Variants in ABLIM2 observed in about 807,000 individuals in gnomAD.
ABLIM2 encodes the protein actin-binding LIM protein 2.
ABLIM2 carries 53 observed loss-of-function variants against 97.7 expected under a neutral mutation model. The observed-to-expected ratio is 0.54, with a 90% CI of 0.44 to 0.68. ABLIM2 has a LOEUF of 0.68. Ranked by LOEUF, ABLIM2 falls within the 30% of genes least tolerant of loss-of-function variation. The pLI is 0.00. For synonymous variants in ABLIM2, 361 were observed against 345.8 expected (o/e 1.04, Z -0.49); for missense variants, 835 against 867.2 (o/e 0.96, Z 0.47).
At chr4:8,052,739 G>T (rs1334950186) in intron 8 of ABLIM2, among the ~76,000 whole-genome samples, 4 of 152,240 alleles carry the variant, frequency 2.6e-5, no homozygotes, top group African/African-American at 7.2e-5. Context: ...GCTCAGACGG[G>T]CCTGCATCGG....
Position 8,097,242 on chromosome 4 carries a change from C to T in ABLIM2, c.195G>A (p.Arg65=), listed in dbSNP as rs780065915. Residue 65 remains arginine, a synonymous_variant, in exon 3 of 21, where the codon CGG becomes CGA. Coordinates refer to ENST00000447017, the MANE Select transcript of ABLIM2 (RefSeq NM_001130083.2). The part of the protein sequence containing the change: ...CDLAEGGFFV[R]QGEYICTLDY... Reference sequence around the variant, plus strand: ...CCAGCGTGCAGATGTACTCGCCCTGCCGCACGAAGAAGCCGCCCTCGGCCA... The same window carrying T: ...CCAGCGTGCAGATGTACTCGCCCTGTCGCACGAAGAAGCCGCCCTCGGCCA... The T allele has an allele frequency of 1.6e-5, 25 of 1,574,598 alleles. No individual in the cohort carries two copies. The highest frequency in any genetic ancestry group is 2.0e-5 in the Non-Finnish European group (23 of 1,161,290).
In ABLIM2 at chr4:8,044,790, G is replaced by A. The variant is rs545562861; in HGVS notation, c.900+374C>T. The stretch of plus-strand genomic sequence containing the variant: ...CGTGCGTGTTGATGTACACAGATCC[G>A]TGCCGTTATTTGCAAACTCTGCAGG... On this transcript the variant is annotated intron_variant, in intron 9 of 20. Coordinates refer to ENST00000447017, the MANE Select transcript of ABLIM2 (RefSeq NM_001130083.2). This position sits in a 1 kb window ranked among gnomAD's most constrained non-coding sequence, Gnocchi z 4.4. 2.6e-5 allele frequency among the ~76,000 whole-genome samples: 4 copies of A among 152,196 alleles called. No homozygotes were observed. Among genetic ancestry groups the A allele is most frequent in the South Asian group, 2.1e-4 (1 of 4,808 alleles).
rs918513582 is a variant in ABLIM2, at chr4:8,124,233, C to T, written c.11-17596G>A. Among the ~76,000 whole-genome samples the T allele has an allele frequency of 1.8e-4, 28 of 152,218 alleles. No individual in the cohort carries two copies. Among genetic ancestry groups the T allele is most frequent in the African/African-American group, 6.0e-4 (25 of 41,454 alleles). Reference sequence around the variant, plus strand: ...GCCTAGCCAGCTCTGCAGAAGTGCTCGGTGCACACATCTGAAAATCATAAC... The same window carrying T: ...GCCTAGCCAGCTCTGCAGAAGTGCTTGGTGCACACATCTGAAAATCATAAC... On this transcript the variant is annotated intron_variant, in intron 1 of 20. Coordinates refer to ENST00000447017, the MANE Select transcript of ABLIM2 (RefSeq NM_001130083.2). The surrounding 1 kb of genome is among the most constrained non-coding windows in gnomAD (Gnocchi z 6.1).
At chr4:8,024,944 G>C (rs945409150) in intron 12 of ABLIM2, among the ~76,000 whole-genome samples, 3 of 151,966 alleles carry the variant, frequency 2.0e-5, no homozygotes, top group African/African-American at 7.2e-5. Context: ...CTCTTTTTTT[G>C]AGATGTAGTC....
chr4:8,055,917 A>G (rs1798781755), intron 7 of ABLIM2, among the ~76,000 whole-genome samples: 1 of 152,128 alleles, frequency 6.6e-6, no homozygotes, highest in Non-Finnish European at 1.5e-5. Context: ...GTTTAAGACC[A>G]GCCTGGCCAA....
chr4:8,035,398 G>A (rs946773809), intron 10 of ABLIM2, among the ~76,000 whole-genome samples: 1 of 152,164 alleles, frequency 6.6e-6, no homozygotes, highest in Non-Finnish European at 1.5e-5. Context: ...GTCTCAAAAT[G>A]AGAAGGCCCA....
At chr4:8,053,358 G>A (rs1190223675) in intron 8 of ABLIM2, among the ~76,000 whole-genome samples, 1 of 152,166 alleles carries the variant, frequency 6.6e-6, no homozygotes, top group Non-Finnish European at 1.5e-5. Context: ...TCTCATGTCT[G>A]CCTAAAATGT....
In ABLIM2 at chr4:8,123,721, C is replaced by G. The variant is rs1474285211; in HGVS notation, c.11-17084G>C. Among the ~76,000 whole-genome samples, 1 of 152,092 alleles carries G rather than the reference C, an allele frequency of 6.6e-6. No homozygotes were observed. Among genetic ancestry groups the G allele is most frequent in the Non-Finnish European group, 1.5e-5 (1 of 68,012 alleles). On this transcript the variant is annotated intron_variant, in intron 1 of 20. Transcript: ENST00000447017. The surrounding 1 kb of genome is among the most constrained non-coding windows in gnomAD (Gnocchi z 6.2). ...TACTGACAGGGTCCGGCTCACACAC[C>G]AAAGCCTGTGGGTCTACACATGGGC...
intron 1 of ABLIM2, among the ~76,000 whole-genome samples, chr4:8,115,830 C>T (rs949374908): frequency 2.0e-5 from 3 of 152,196 alleles, no homozygotes; most frequent in African/African-American, 7.2e-5. Flanking sequence ...CAGGCAGCTT[C>T]CAAGCTGGGT....
At chr4:7,987,279 T>C (rs1303099918) in intron 17 of ABLIM2, among the ~76,000 whole-genome samples, 1 of 151,330 alleles carries the variant, frequency 6.6e-6, no homozygotes, top group Admixed American at 6.6e-5. Context: ...CGCCTGGCCA[T>C]GCCTGGCTAA....
intron 12 of ABLIM2, among the ~76,000 whole-genome samples, chr4:8,027,395 C>A (rs899647084): frequency 6.6e-6 from 1 of 152,186 alleles, no homozygotes; most frequent in Non-Finnish European, 1.5e-5. Context: ...TGCTCCTGAA[C>A]ACAAACCCTG....
intron 17 of ABLIM2, among the ~76,000 whole-genome samples, chr4:7,990,072 C>G (rs1177940148): frequency 6.6e-6 from 1 of 152,174 alleles, no homozygotes; most frequent in Admixed American, 6.5e-5. Flanking sequence ...CCCAGGAAAG[C>G]CTTTGCCTCC....
rs755801435 is a variant in ABLIM2, at chr4:8,097,236, G to T, written c.201C>A (p.Gly67=). The T allele has an allele frequency of 1.3e-6, 2 of 1,575,892 alleles. No individual in the cohort carries two copies. The highest frequency in any genetic ancestry group is 8.6e-7 in the Non-Finnish European group (1 of 1,162,042). Residue 67 remains glycine (G), a synonymous_variant, in exon 3 of 21, where the codon GGC becomes GGA. Coordinates refer to ENST00000447017, the MANE Select transcript of ABLIM2 (RefSeq NM_001130083.2). ...LAEGGFFVRQ[G]EYICTLDYQR... ...GGTAGTCCAGCGTGCAGATGTACTC[G>T]CCCTGCCGCACGAAGAAGCCGCCCT...
chr4:8,079,750 A>ATGCG (rs1039519435), intron 5 of ABLIM2, among the ~76,000 whole-genome samples: 6 of 150,444 alleles, frequency 4.0e-5, no homozygotes, highest in East Asian at 1.9e-4. Flanking sequence ...GTGCATGCAT[A>ATGCG]TGCGTGCGTG....
At chr4:8,144,964 G>A (rs1322792783) in intron 1 of ABLIM2, among the ~76,000 whole-genome samples, 1 of 152,234 alleles carries the variant, frequency 6.6e-6, no homozygotes, top group Non-Finnish European at 1.5e-5. Flanking sequence ...GCAGCACTGA[G>A]TGGGTGTTCT....
At chr4:8,138,264 G>A (rs2386118) in intron 1 of ABLIM2, among the ~76,000 whole-genome samples, 19,307 of 152,222 alleles carry the variant, frequency 0.13, 1,656 homozygotes, top group African/African-American at 0.25. Context: ...TCATTCAACC[G>A]TGTGAATGGA....
chr4:8,103,321 C>A (rs1384375873), intron 2 of ABLIM2, among the ~76,000 whole-genome samples: 2 of 152,234 alleles, frequency 1.3e-5, no homozygotes, highest in African/African-American at 4.8e-5. Flanking sequence ...TGCAAGACTG[C>A]AAGGTCCTCA....
In ABLIM2 at chr4:7,993,607, T is replaced by C. The variant is rs571156609; in HGVS notation, c.1619-680A>G. 3.3e-5 allele frequency among the ~76,000 whole-genome samples: 5 copies of C among 152,116 alleles called. No homozygotes were observed. The East Asian group carries it at 7.7e-4, about 24-fold the overall frequency. ...TGGGAGGATCCCTTGAGCCCAGGAG[T>C]TCGAGGCTGCAGTGAGCTATGCTCA... is the stretch of plus-strand genomic sequence containing the variant. On this transcript the variant is annotated intron_variant, in intron 16 of 20. Transcript: ENST00000447017.
intron 3 of ABLIM2, 53 bp from the exon 4 acceptor site, chr4:8,088,337 G>A (rs1173248351): frequency 6.8e-7 from 1 of 1,470,378 alleles, no homozygotes; most frequent in Non-Finnish European, 9.4e-7. Context: ...CTCCTCTCTG[G>A]GGGAGCCCTG....
Sources: gnomAD v4.1 joint callset for allele counts (sites outside exome capture counted in the v4.1 genomes callset) on GRCh38, gnomAD v4.1.1 for gene constraint, Gnocchi (gnomAD v3.1) non-coding constraint, MANE v1.5 for transcripts, NCBI Gene and HGNC (gene_info 2026-07-23, HGNC 2026-07-21) for gene names.